Variants in COPS7B observed in about 807,000 individuals in gnomAD.
COPS7B encodes the protein COP9 signalosome complex subunit 7b.
COPS7B carries 9 observed loss-of-function variants against 33.4 expected under a neutral mutation model. The observed-to-expected ratio is 0.27, with a 90% CI of 0.16 to 0.47. The LOEUF (loss-of-function observed/expected upper bound fraction) is 0.47, where lower values mean the gene tolerates loss of function less well. Among genes scored for constraint, COPS7B ranks in the 20% least tolerant of loss-of-function variants. The pLI is 0.99. For missense variants in COPS7B, 242 were observed against 318.2 expected (o/e 0.76, Z 1.82); for synonymous variants, 119 against 126.3 (o/e 0.94, Z 0.39).
rs1339363433 is a variant in COPS7B, at chr2:231,788,639, T to A, written c.69T>A (p.Ser23Arg). The change falls in exon 2 of 7, where the codon AGT becomes AGA. Residue 23 changes from serine to arginine, a missense_variant. Coordinates refer to ENST00000350033, the MANE Select transcript of COPS7B (RefSeq NM_022730.4). ...TTATTTTACTAGCCAAAGGTACCAG[T>A]GGCTCAGCCCTCACTGCTCTCATAA... ...EQFILLAKGT[S>R]GSALTALISQ... The A allele has an allele frequency of 1.2e-6, 2 of 1,614,184 alleles. No homozygotes were observed. Among genetic ancestry groups the A allele is most frequent in the Admixed American group, 3.3e-5 (2 of 60,032 alleles).
At chr2:231,791,925 C>G in intron 3 of COPS7B, 117 bp downstream of exon 3, 2 of 909,484 alleles carry the variant, frequency 2.2e-6, no homozygotes, top group Non-Finnish European at 3.6e-6. Context: ...GACCTGGCTG[C>G]CTCCCATTTT....
chr2:231,799,333 A>T (rs2049675209), intron 6 of COPS7B, among the ~76,000 whole-genome samples: 1 of 152,194 alleles, frequency 6.6e-6, no homozygotes, highest in Non-Finnish European at 1.5e-5. Flanking sequence ...GGAGGGGTAC[A>T]GCTGGGCAGG....
chr2:231,794,168 G>T (rs1350148202), intron 3 of COPS7B, 95 bp from the exon 4 acceptor site: 1 of 853,276 alleles, frequency 1.2e-6, no homozygotes, highest in East Asian at 2.6e-5. Context: ...TGATTCAGTA[G>T]TAGATTTGGT....
chr2:231,798,562 C>G (rs750910344), intron 5 of COPS7B, among the ~76,000 whole-genome samples: 4 of 152,148 alleles, frequency 2.6e-5, no homozygotes, highest in Non-Finnish European at 5.9e-5. Context: ...GCCTGTCCTA[C>G]CTTCTTTAAT....
chr2:231,781,960 G>GT, upstream of COPS7B: 1 of 1,446,494 alleles, frequency 6.9e-7, no homozygotes, highest in African/African-American at 1.4e-5. Flanking sequence ...AATCGTGCTT[G>GT]TTTGTTGGTC....
upstream of COPS7B, among the ~76,000 whole-genome samples, chr2:231,783,837 A>G (rs2049180362): frequency 1.3e-5 from 2 of 152,130 alleles, no homozygotes; most frequent in South Asian, 4.1e-4. Flanking sequence ...CCTGGGATCA[A>G]GTGATCCTCC....
At chr2:231,783,233 C>A (rs12468852), upstream of COPS7B, among the ~76,000 whole-genome samples, 1 of 152,144 alleles carries the variant, frequency 6.6e-6, no homozygotes, top group African/African-American at 2.4e-5. Flanking sequence ...ATTAGCAAAG[C>A]CGTAGTGAGC....
chr2:231,792,008 G>A (rs764103238), intron 3 of COPS7B, 200 bp downstream of exon 3: 8 of 688,138 alleles, frequency 1.2e-5, no homozygotes, highest in Admixed American at 8.2e-5. Flanking sequence ...GTCAAATGGG[G>A]CCTGTGTGTG....
chr2:231,796,515 G>A (rs2049575286), intron 5 of COPS7B, among the ~76,000 whole-genome samples: 1 of 152,200 alleles, frequency 6.6e-6, no homozygotes, highest in Admixed American at 6.5e-5. Flanking sequence ...TGCCTTGGTT[G>A]TAAAATAGTT....
chr2:231,798,466 AG>A (rs1366367572), intron 5 of COPS7B, among the ~76,000 whole-genome samples: 1 of 151,900 alleles, frequency 6.6e-6, no homozygotes, highest in Non-Finnish European at 1.5e-5. Flanking sequence ...TGTGTTGGCC[AG>A]GCTGGTCTCG....
upstream of COPS7B, among the ~76,000 whole-genome samples, chr2:231,783,108 C>T (rs2049167701): frequency 6.9e-6 from 1 of 145,840 alleles, no homozygotes; most frequent in African/African-American, 2.4e-5. Context: ...TTGTGAAATT[C>T]ATCCATGTTG....
intron 6 of COPS7B, among the ~76,000 whole-genome samples, chr2:231,802,182 G>A (rs770969138): frequency 7.9e-5 from 12 of 152,180 alleles, no homozygotes; most frequent in African/African-American, 2.4e-4. Context: ...CATGGAGGTC[G>A]TAAAGTGTAA....
At chr2:231,788,073 T>C (rs1356369983) in intron 1 of COPS7B, among the ~76,000 whole-genome samples, 1 of 152,156 alleles carries the variant, frequency 6.6e-6, no homozygotes, top group Non-Finnish European at 1.5e-5. Flanking sequence ...ACAAGATCCT[T>C]TTAACTCCAG....
intron 6 of COPS7B, among the ~76,000 whole-genome samples, chr2:231,806,376 C>T (rs186415022): frequency 6.6e-6 from 1 of 152,108 alleles, no homozygotes; most frequent in South Asian, 2.1e-4. Context: ...GTGGTGAAAC[C>T]TTGTCTCTAC....
At chr2:231,782,989 C>T (rs1347086258), upstream of COPS7B, among the ~76,000 whole-genome samples, 1 of 152,202 alleles carries the variant, frequency 6.6e-6, no homozygotes, top group Non-Finnish European at 1.5e-5. Flanking sequence ...GATAATCACT[C>T]TTCTGACTGT....
intron 6 of COPS7B, among the ~76,000 whole-genome samples, chr2:231,801,495 G>A (rs2049742800): frequency 6.6e-6 from 1 of 152,096 alleles, no homozygotes. Context: ...TGCATGGAGT[G>A]CAGTGGTGCA....
chr2:231,799,573 A>G (rs2049682915), intron 6 of COPS7B, among the ~76,000 whole-genome samples: 1 of 152,100 alleles, frequency 6.6e-6, no homozygotes, highest in Admixed American at 6.5e-5. Flanking sequence ...TGTTGAGGAA[A>G]CTTTTAGCTT....
chr2:231,801,134 A>C, intron 6 of COPS7B: 2 of 1,550,424 alleles, frequency 1.3e-6, no homozygotes, highest in Non-Finnish European at 1.7e-6. Context: ...TTTGTCCTTA[A>C]ATTAGATTGC....
At chr2:231,793,249 C>T (rs2049471029) in intron 3 of COPS7B, among the ~76,000 whole-genome samples, 1 of 152,172 alleles carries the variant, frequency 6.6e-6, no homozygotes, top group Non-Finnish European at 1.5e-5. Flanking sequence ...ATATGATGCG[C>T]ATGCCTTTTT....
Sources: gnomAD v4.1 joint callset for allele counts (sites outside exome capture counted in the v4.1 genomes callset) on GRCh38, gnomAD v4.1.1 for gene constraint, MANE v1.5 for transcripts, NCBI Gene and HGNC (gene_info 2026-07-23, HGNC 2026-07-21) for gene names.